The following MAGI2 variants were observed in gnomAD, a reference collection of about 807,000 sequenced individuals.
MAGI2 encodes membrane-associated guanylate kinase, WW and PDZ domain-containing protein 2.
Under a neutral mutation model 133.3 loss-of-function variants are expected in MAGI2, and 35 were observed. The ratio of observed to expected loss-of-function variants is 0.26; its 90% CI spans 0.20 to 0.35. The LOEUF (loss-of-function observed/expected upper bound fraction) is 0.35, where lower values mean the gene tolerates loss of function less well. Among genes scored for constraint, MAGI2 ranks in the 10% least tolerant of loss-of-function variants. The pLI is 1.00. For missense variants in MAGI2, 1,636 were observed against 1,863.4 expected (o/e 0.88, Z 2.25); for synonymous variants, 729 against 710.6 (o/e 1.03, Z -0.41).
chr7:78,741,834 T>C (rs1233326534), intron 2 of MAGI2, among the ~76,000 whole-genome samples: 1 of 152,096 alleles, frequency 6.6e-6, no homozygotes, highest in Non-Finnish European at 1.5e-5. Context: ...CCTATACATA[T>C]AGATACCAAT....
intron 9 of MAGI2, among the ~76,000 whole-genome samples, chr7:78,293,521 G>C (rs1796932208): frequency 6.6e-6 from 1 of 152,232 alleles, no homozygotes; most frequent in Non-Finnish European, 1.5e-5. Context: ...GTGGAAGACA[G>C]TGTGGCGATT....
chr7:79,277,715 T>C (rs1201983128), intron 1 of MAGI2, among the ~76,000 whole-genome samples: 1 of 152,188 alleles, frequency 6.6e-6, no homozygotes. Context: ...TTCCTCACTA[T>C]AGGCCCTTGA....
intron 3 of MAGI2, among the ~76,000 whole-genome samples, chr7:78,584,318 G>A (rs1375936759): frequency 6.8e-6 from 1 of 147,610 alleles, no homozygotes; most frequent in East Asian, 2.0e-4. Context: ...TACTCAGGAA[G>A]CTGAGGCAGA....
Position 78,885,141 on chromosome 7 carries a change from C to G in MAGI2, c.418+121949G>C, listed in dbSNP as rs1796163142. Among the ~76,000 whole-genome samples, 4 of 152,206 alleles carry G rather than the reference C, an allele frequency of 2.6e-5. No individual in the cohort carries two copies. The South Asian group carries it at 8.3e-4, about 32-fold the overall frequency. The stretch of plus-strand genomic sequence containing the variant: ...GATATAAAGATAGGAACAACACACA[C>G]TGGGGACTACTAGAGAGAGCATAGG... On this transcript the variant is annotated intron_variant, in intron 2 of 21. Coordinates refer to ENST00000354212, the MANE Select transcript of MAGI2 (RefSeq NM_012301.4).
At chr7:78,064,616 G>A (rs1290933282) in intron 21 of MAGI2, among the ~76,000 whole-genome samples, 1 of 152,164 alleles carries the variant, frequency 6.6e-6, no homozygotes, top group Non-Finnish European at 1.5e-5. Flanking sequence ...AACCAGAATT[G>A]AGAAGTGTGT....
intron 3 of MAGI2, among the ~76,000 whole-genome samples, chr7:78,562,323 C>T (rs1222531867): frequency 6.6e-6 from 1 of 152,146 alleles, no homozygotes; most frequent in African/African-American, 2.4e-5. Context: ...GTAGCAGACT[C>T]AATGTGGCAC....
At chr7:78,924,031 T>C (rs1199538413) in intron 2 of MAGI2, among the ~76,000 whole-genome samples, 1 of 152,198 alleles carries the variant, frequency 6.6e-6, no homozygotes, top group Non-Finnish European at 1.5e-5. Context: ...TTGTGATTTT[T>C]GTATATTGAT....
chr7:79,008,351 A>G (rs776923564), intron 1 of MAGI2, among the ~76,000 whole-genome samples: 32 of 152,312 alleles, frequency 2.1e-4, no homozygotes, highest in Non-Finnish European at 2.1e-4. Context: ...CAGCTTTGAC[A>G]TAAACTGTAG....
chr7:78,994,615 C>T (rs1203740267), intron 2 of MAGI2, among the ~76,000 whole-genome samples: 2 of 152,046 alleles, frequency 1.3e-5, no homozygotes, highest in Admixed American at 1.3e-4. Context: ...TAACATAATA[C>T]ATCACACAAA....
At chr7:78,251,559 T>C (rs992044095) in intron 10 of MAGI2, 3 of 152,096 alleles carry the variant, frequency 2.0e-5, no homozygotes, top group Non-Finnish European at 2.9e-5. Context: ...GAAAAACAAA[T>C]GCATTTCTAT....
intron 2 of MAGI2, among the ~76,000 whole-genome samples, chr7:78,815,913 T>G (rs1017041821): frequency 2.6e-5 from 4 of 152,214 alleles, no homozygotes; most frequent in African/African-American, 9.7e-5. Context: ...GAGTTGCATG[T>G]CCTTCAGTTT....
chr7:78,971,204 A>G (rs571002580), intron 2 of MAGI2, among the ~76,000 whole-genome samples: 8 of 152,196 alleles, frequency 5.3e-5, no homozygotes, highest in Admixed American at 5.2e-4. Context: ...AGTGTGGTCA[A>G]GGTCAAAATG....
At chr7:78,854,317 A>T (rs1793433205) in intron 2 of MAGI2, among the ~76,000 whole-genome samples, 1 of 152,148 alleles carries the variant, frequency 6.6e-6, no homozygotes, top group Non-Finnish European at 1.5e-5. Context: ...TAAGATATTA[A>T]CAATGTATCT....
In MAGI2 at chr7:78,909,528, A is replaced by G. The variant is rs567773143; in HGVS notation, c.418+97562T>C. Among the ~76,000 whole-genome samples, 111 of 146,068 alleles carry G rather than the reference A, an allele frequency of 7.6e-4. No individual in the cohort carries two copies. The Middle Eastern group carries it at 0.018, about 23-fold the overall frequency. ...TGAGGCAGGAGAATGGCGTGAACCCAGGAGGCGGAGCTTGCAGTGAGCCGA... is the reference window on the plus strand; with the variant it reads ...TGAGGCAGGAGAATGGCGTGAACCCGGGAGGCGGAGCTTGCAGTGAGCCGA... On this transcript the variant is annotated intron_variant, in intron 2 of 21. Coordinates refer to ENST00000354212, the MANE Select transcript of MAGI2 (RefSeq NM_012301.4).
intron 9 of MAGI2, among the ~76,000 whole-genome samples, chr7:78,264,116 G>A (rs1793774189): frequency 6.6e-6 from 1 of 152,056 alleles, no homozygotes; most frequent in Non-Finnish European, 1.5e-5. Flanking sequence ...CACACTAACA[G>A]CATTGACTAC....
intron 20 of MAGI2, among the ~76,000 whole-genome samples, chr7:78,103,645 C>T (rs967498884): frequency 2.0e-5 from 3 of 152,214 alleles, no homozygotes; most frequent in African/African-American, 4.8e-5. Flanking sequence ...GGCTCTTTCC[C>T]GTATACTACT....
intron 9 of MAGI2, among the ~76,000 whole-genome samples, chr7:78,310,343 G>A (rs183044868): frequency 2.0e-4 from 30 of 152,278 alleles, no homozygotes; most frequent in Admixed American, 9.8e-4. Flanking sequence ...GCTGAGGCAG[G>A]AGAATCACTT....
chr7:78,527,029 A>AAAAAAAAAAAAG (rs1563125198), intron 3 of MAGI2, among the ~76,000 whole-genome samples: 19 of 124,558 alleles, frequency 1.5e-4, no homozygotes, highest in African/African-American at 1.7e-4. Context: ...AAAAAAAAAA[A>AAAAAAAAAAAAG]AAAAAGAAAA....
chr7:79,267,383 C>T (rs571247938), intron 1 of MAGI2, among the ~76,000 whole-genome samples: 1 of 152,244 alleles, frequency 6.6e-6, no homozygotes, highest in Non-Finnish European at 1.5e-5. Context: ...CCTCTCTGAC[C>T]CAGCCTCTTG....
Sources: gnomAD v4.1 joint callset for allele counts (sites outside exome capture counted in the v4.1 genomes callset) on GRCh38, gnomAD v4.1.1 for gene constraint, MANE v1.5 for transcripts, NCBI Gene and HGNC (gene_info 2026-07-23, HGNC 2026-07-21) for gene names.